Variants in NHS observed in about 807,000 individuals in gnomAD.
NHS encodes NHS actin remodeling regulator.
In NHS, 5 loss-of-function variants were observed where a neutral mutation model predicts 72.5. The observed-to-expected ratio is 0.07, with a 90% confidence interval of 0.04 to 0.14. NHS has a LOEUF of 0.14. Ranked by LOEUF, NHS falls within the 10% of genes least tolerant of loss-of-function variation. The pLI is 1.00. For synonymous variants in NHS, 464 were observed against 547.7 expected, an observed-to-expected ratio of 0.85 and a Z score of 2.13; for missense variants, 1,072 against 1,355.7, an observed-to-expected ratio of 0.79 and a Z score of 3.29.
At chrX:17,393,137 A>G (rs781038397) in intron 1 of NHS, among the ~76,000 whole-genome samples, 3 of 111,677 alleles carry the variant, frequency 2.7e-5, no homozygotes, top group East Asian at 5.6e-4. Context: ...TGAATATTCT[A>G]GTTCCTGTCT....
chrX:17,380,882 G>A (rs1164553525), intron 1 of NHS, among the ~76,000 whole-genome samples: 2 of 111,528 alleles, frequency 1.8e-5, no homozygotes, highest in Non-Finnish European at 3.8e-5. Context: ...ATCCATGGCC[G>A]CTGGAGGGAA....
intron 1 of NHS, among the ~76,000 whole-genome samples, chrX:17,667,510 A>G (rs1278204475): frequency 9.0e-6 from 1 of 110,929 alleles, no homozygotes; most frequent in Non-Finnish European, 1.9e-5. Flanking sequence ...ATGCACGGCG[A>G]GGGCTCTGTG....
intron 1 of NHS, among the ~76,000 whole-genome samples, chrX:17,490,079 G>T (rs754944838): frequency 1.8e-5 from 2 of 111,990 alleles, no homozygotes; most frequent in Non-Finnish European, 3.8e-5. Flanking sequence ...TAGGTTGCCT[G>T]TTCACTCTGA....
At chrX:17,455,315 C>A (rs2064821490) in intron 1 of NHS, among the ~76,000 whole-genome samples, 1 of 111,789 alleles carries the variant, frequency 8.9e-6, no homozygotes, top group South Asian at 3.8e-4. Context: ...GCTCCTCTTC[C>A]TCCTTCTCCT....
At position 17,402,128 on chromosome X, in the gene NHS, A is replaced by G. The variant is rs528750815; in HGVS notation, c.565+25806A>G. ...CAAGGCAATGCAAATCAAAACCACA[A>G]CGAGATACCACATCATCATACCCAT... On this transcript the variant is annotated intron_variant, in intron 1 of 8. Transcript: ENST00000676302. 4.5e-5 allele frequency among the ~76,000 whole-genome samples: 5 copies of G among 112,022 alleles called. No individual in the cohort carries two copies. In the South Asian group the frequency reaches 1.5e-3, roughly 34 times the overall value.
intron 1 of NHS, among the ~76,000 whole-genome samples, chrX:17,377,138 C>CT (rs1377925558): frequency 8.9e-6 from 1 of 112,096 alleles, no homozygotes; most frequent in East Asian, 2.8e-4. Flanking sequence ...CCCCGGTGCA[C>CT]TGTCGCCCAA....
At chrX:17,455,650 G>A (rs757514241) in intron 1 of NHS, among the ~76,000 whole-genome samples, 6 of 112,035 alleles carry the variant, frequency 5.4e-5, no homozygotes, top group Non-Finnish European at 7.5e-5. Flanking sequence ...AACCTGTGAC[G>A]AACACACGAG....
intron 3 of NHS, among the ~76,000 whole-genome samples, chrX:17,702,385 T>C (rs1484726809): frequency 1.8e-5 from 2 of 112,027 alleles, no homozygotes; most frequent in African/African-American, 6.5e-5. Context: ...AATGGAACAG[T>C]AAGGCATAAC....
At chrX:17,686,477 G>A (rs1457987503) in intron 1 of NHS, among the ~76,000 whole-genome samples, 2 of 111,901 alleles carry the variant, frequency 1.8e-5, no homozygotes, top group African/African-American at 6.5e-5. Context: ...CCACCTTCCT[G>A]AAAAGACGAG....
intron 1 of NHS, among the ~76,000 whole-genome samples, chrX:17,392,944 A>G (rs2064452458): frequency 8.9e-6 from 1 of 112,122 alleles, no homozygotes; most frequent in South Asian, 3.7e-4. Flanking sequence ...GGAATCATAT[A>G]GTATGTGCCT....
At chrX:17,440,560 C>T (rs111943243) in intron 1 of NHS, among the ~76,000 whole-genome samples, 36 of 111,825 alleles carry the variant, frequency 3.2e-4, no homozygotes, top group African/African-American at 1.2e-3. Flanking sequence ...GAAAATAAAG[C>T]TTAAAATTGC....
chrX:17,520,944 C>T (rs768585015), intron 1 of NHS, among the ~76,000 whole-genome samples: 2 of 111,608 alleles, frequency 1.8e-5, no homozygotes, highest in African/African-American at 3.3e-5. Context: ...CTCAACCCCA[C>T]CCCAGACCCA....
chrX:17,603,819 T>C (rs899503929), intron 1 of NHS, among the ~76,000 whole-genome samples: 33 of 111,446 alleles, frequency 3.0e-4, no homozygotes, highest in African/African-American at 1.1e-3. Flanking sequence ...CATATTTTAA[T>C]AAGCTATGGA....
At chrX:17,701,490 G>A (rs184296313) in intron 3 of NHS, among the ~76,000 whole-genome samples, 1 of 105,438 alleles carries the variant, frequency 9.5e-6, no homozygotes, top group Non-Finnish European at 1.9e-5. Flanking sequence ...AAATACAATA[G>A]CACAGTTATA....
intron 1 of NHS, among the ~76,000 whole-genome samples, chrX:17,671,080 C>A (rs2066042302): frequency 8.9e-6 from 1 of 111,815 alleles, no homozygotes; most frequent in Admixed American, 9.5e-5. Context: ...GGGCCACAGG[C>A]ACTCCCAGTT....
At chrX:17,640,703 C>T (rs2065876688) in intron 1 of NHS, among the ~76,000 whole-genome samples, 1 of 112,506 alleles carries the variant, frequency 8.9e-6, no homozygotes, top group East Asian at 2.8e-4. Context: ...TGACATTTGG[C>T]CATTAACAGC....
intron 1 of NHS, among the ~76,000 whole-genome samples, chrX:17,477,703 A>T (rs1430936309): frequency 8.9e-6 from 1 of 112,169 alleles, no homozygotes; most frequent in Non-Finnish European, 1.9e-5. Flanking sequence ...GAGTGGGAAC[A>T]GGTCTCTTGA....
In NHS at chrX:17,708,447, C is replaced by A. The variant is rs140893820; in HGVS notation, c.853-10897C>A. 4.3e-3 allele frequency among the ~76,000 whole-genome samples: 484 copies of A among 111,806 alleles called. 1 individual carries two copies. Among genetic ancestry groups the A allele is most frequent in the Non-Finnish European group, 4.2e-3 (221 of 53,199 alleles). ...TTCTCCCATTGTCTTCTCATTGACTCCTTCATTTTGAAAAAAATTAACTGA... is the reference window on the plus strand; with the variant it reads ...TTCTCCCATTGTCTTCTCATTGACTACTTCATTTTGAAAAAAATTAACTGA... On this transcript the variant is annotated intron_variant, in intron 3 of 8. Coordinates refer to ENST00000676302, the MANE Select transcript of NHS (RefSeq NM_001291867.2).
chrX:17,490,843 C>T (rs2064987821), intron 1 of NHS, among the ~76,000 whole-genome samples: 1 of 111,304 alleles, frequency 9.0e-6, no homozygotes, highest in South Asian at 3.8e-4. Flanking sequence ...TCCTTCACAT[C>T]CCTTGTAAGT....
Sources: allele counts gnomAD v4.1 joint callset (sites outside exome capture counted in the v4.1 genomes callset), GRCh38; gene constraint gnomAD v4.1.1; transcripts MANE v1.5; gene names NCBI Gene and HGNC (gene_info 2026-07-23, HGNC 2026-07-21).